Variants in TTK observed in about 807,000 individuals in gnomAD.
TTK encodes dual specificity protein kinase TTK.
In TTK, 59 loss-of-function variants were observed where a neutral mutation model predicts 117.3. The ratio of observed to expected loss-of-function variants is 0.50; its 90% CI spans 0.41 to 0.62. The LOEUF is 0.62. Ranked by LOEUF, TTK falls within the 20% of genes least tolerant of loss-of-function variation. The pLI is 0.00. For synonymous variants in TTK, 302 were observed against 325.0 expected, an observed-to-expected ratio of 0.93 and a Z score of 0.76; for missense variants, 921 against 989.4, an observed-to-expected ratio of 0.93 and a Z score of 0.93.
At chr6:80,034,210 A>G (rs1020707853) in intron 14 of TTK, among the ~76,000 whole-genome samples, 1 of 152,286 alleles carries the variant, frequency 6.6e-6, no homozygotes, top group East Asian at 1.9e-4. Context: ...GCAGTGACCA[A>G]CTTTTAAGGA....
intron 18 of TTK, 72 bp from the exon 19 acceptor site, chr6:80,039,624 T>G: frequency 1.7e-6 from 2 of 1,152,326 alleles, no homozygotes; most frequent in Non-Finnish European, 1.2e-6. Context: ...ATATGTATAT[T>G]TAATATATAT....
intron 12 of TTK, 121 bp downstream of exon 12, chr6:80,026,635 A>G (rs1297750427): frequency 5.0e-6 from 7 of 1,392,496 alleles, no homozygotes; most frequent in Non-Finnish European, 6.8e-6. Context: ...TTCCATCTTC[A>G]TATTATTTTT....
rs1768077757 is a variant in TTK at position 80,042,517 on chromosome 6, CACTA to C, written c.*318_*321del. 5.8e-6 allele frequency: 1 copy of C among 171,970 alleles called. No homozygotes were observed. Among genetic ancestry groups the C allele is most frequent in the African/African-American group, 2.4e-5 (1 of 42,418 alleles). 10.7% of individuals were successfully genotyped at this position (171,970 alleles called of 1,614,324 possible). A position where few individuals can be genotyped will look rare whatever the true frequency, so the allele number is the denominator to read the frequency against. Reference sequence around the variant, plus strand: ...AAATAAAGTTTTGTGGCTAAAATGACACTAACATTTCAAAGTTGTAAGGTTGTTT... The same window carrying C: ...AAATAAAGTTTTGTGGCTAAAATGACACATTTCAAAGTTGTAAGGTTGTTT... On this transcript the variant is annotated 3_prime_UTR_variant, in exon 22 of 22. Coordinates refer to ENST00000369798, the MANE Select transcript of TTK (RefSeq NM_003318.5).
rs2230512 is a variant in TTK, at chr6:80,039,837, G to A, written c.2272G>A (p.Asp758Asn). The change falls in exon 19 of 22, where the codon GAT (aspartate) becomes AAT (asparagine). Residue 758 changes from aspartate (D) to asparagine (N), a missense_variant. Coordinates refer to ENST00000369798, the MANE Select transcript of TTK (RefSeq NM_003318.5). ...TCCTAATCATGAAATTGAATTTCCC[G>A]ATATTCCAGAGAAAGATCTTCAAGA... ...IDPNHEIEFPDIPEKDLQDVL... is the reference protein window; with the variant it reads ...IDPNHEIEFPNIPEKDLQDVL... 4.6e-4 allele frequency: 731 copies of A among 1,581,006 alleles called. 2 individuals carry two copies. The African/African-American group carries it at 9.0e-3, about 20-fold the overall frequency.
At position 80,042,158 on chromosome 6, in the gene TTK, T is replaced by A. The variant is rs751457789; in HGVS notation, c.2530T>A (p.Ser844Thr). The A allele has an allele frequency of 3.1e-6, 5 of 1,604,070 alleles. No homozygotes were observed. In the Admixed American group the frequency reaches 8.4e-5, roughly 27 times the overall value. The change falls in exon 22 of 22, where the codon TCT becomes ACT. Residue 844 changes from serine to threonine, a missense_variant. By Grantham distance (58) the Ser-to-Thr change is moderately conservative. Transcript: ENST00000369798. ...EHYSGGESHN[S>T]SSSKTFEKKR... is the part of the protein sequence containing the mutation. ...CTATAGTGGTGGTGAAAGTCATAAT[T>A]CTTCATCCTCCAAGACTTTTGAAAA...
chr6:80,036,379 G>A, intron 16 of TTK, 96 bp from the exon 17 acceptor site: 3 of 1,397,962 alleles, frequency 2.1e-6, no homozygotes, highest in Non-Finnish European at 2.9e-6. Flanking sequence ...TTCACTAATT[G>A]AAGGAATAAA....
intron 4 of TTK, among the ~76,000 whole-genome samples, chr6:80,008,891 T>G (rs1381153262): frequency 6.6e-6 from 1 of 151,578 alleles, no homozygotes; most frequent in African/African-American, 2.4e-5. Context: ...TACATTAAAG[T>G]GTAGCTATGT....
At chr6:80,038,186 C>T (rs551495958) in intron 18 of TTK, 139 bp downstream of exon 18, 34 of 468,966 alleles carry the variant, frequency 7.2e-5, no homozygotes, top group East Asian at 5.3e-4. Flanking sequence ...TGGTTTTTTT[C>T]GTTTCCAATT....
intron 10 of TTK, among the ~76,000 whole-genome samples, chr6:80,017,589 T>C (rs1767343291): frequency 6.6e-6 from 1 of 152,220 alleles, no homozygotes; most frequent in African/African-American, 2.4e-5. Context: ...TAATGCTCTC[T>C]TAGTAGCTGC....
intron 10 of TTK, among the ~76,000 whole-genome samples, chr6:80,016,580 C>T (rs1157616895): frequency 6.6e-6 from 1 of 151,886 alleles, no homozygotes; most frequent in Non-Finnish European, 1.5e-5. Context: ...CTTTCTTTTT[C>T]TCATTGATTT....
intron 17 of TTK, among the ~76,000 whole-genome samples, chr6:80,037,097 A>G (rs1044474293): frequency 2.6e-5 from 4 of 152,312 alleles, no homozygotes; most frequent in Admixed American, 6.5e-5. Context: ...ATATTGCAAC[A>G]GCAAACTAAA....
chr6:80,015,860 A>G (rs1767293015), intron 10 of TTK, among the ~76,000 whole-genome samples: 1 of 152,222 alleles, frequency 6.6e-6, no homozygotes, highest in Admixed American at 6.5e-5. Flanking sequence ...AAGTGACTGC[A>G]TACTTGTAAC....
At chr6:80,021,840 G>A (rs755218045) in intron 10 of TTK, among the ~76,000 whole-genome samples, 7 of 152,038 alleles carry the variant, frequency 4.6e-5, no homozygotes, top group East Asian at 1.9e-4. Context: ...AAGCAAGTAC[G>A]TAATTAGATA....
chr6:80,027,990 C>A lies in TTK; in HGVS notation c.1500C>A (p.Ala500=). Reference sequence around the variant, plus strand: ...AGCAGCAACAGCATCAAATACTTGCCACTCCACTTCAAAATTTACAGGTTC... The same window carrying A: ...AGCAGCAACAGCATCAAATACTTGCAACTCCACTTCAAAATTTACAGGTTC... ...CFQQQQHQIL[A]TPLQNLQVLA... is the part of the protein sequence containing the mutation. Residue 500 remains alanine, a synonymous_variant, in exon 13 of 22, where the codon GCC becomes GCA. Coordinates refer to ENST00000369798, the MANE Select transcript of TTK (RefSeq NM_003318.5). 1.9e-6 allele frequency: 3 copies of A among 1,603,020 alleles called. No homozygotes were observed. The highest frequency in any genetic ancestry group is 2.6e-6 in the Non-Finnish European group (3 of 1,174,190).
intron 9 of TTK, 84 bp from the exon 10 acceptor site, chr6:80,014,379 A>G (rs1327388910): frequency 7.8e-7 from 1 of 1,276,200 alleles, no homozygotes; most frequent in East Asian, 2.6e-5. Flanking sequence ...CCATGTATAG[A>G]TAAGACTTTA....
chr6:80,034,774 C>T (rs1030605398), intron 14 of TTK, among the ~76,000 whole-genome samples: 7 of 152,128 alleles, frequency 4.6e-5, no homozygotes, highest in African/African-American at 1.7e-4. Context: ...TATTGAATGC[C>T]CATCATCATA....
intron 17 of TTK, 69 bp downstream of exon 17, chr6:80,036,668 C>A (rs1052210380): frequency 6.9e-7 from 1 of 1,452,168 alleles, no homozygotes; most frequent in Non-Finnish European, 9.2e-7. Flanking sequence ...TATTATATTG[C>A]AAATGAGTGT....
intron 8 of TTK, 49 bp from the exon 9 acceptor site, chr6:80,013,230 T>C: frequency 6.8e-7 from 1 of 1,470,174 alleles, no homozygotes; most frequent in Non-Finnish European, 9.2e-7. Flanking sequence ...CATTGAAAAT[T>C]TTTTTTTTCA....
Position 80,040,749 on chromosome 6 carries a change from T to A in TTK, c.2490+46T>A, listed in dbSNP as rs756505640. On this transcript the variant is annotated intron_variant, in intron 21 of 21. Coordinates refer to ENST00000369798, the MANE Select transcript of TTK (RefSeq NM_003318.5). ...CATTAATTTTTACTGTTTTATATAG[T>A]GAATTCGACACTTAAGGAAACAGGT... 2.6e-6 allele frequency: 4 copies of A among 1,551,532 alleles called. No homozygotes were observed. The South Asian group carries it at 4.8e-5, about 19-fold the overall frequency.
Sources: allele counts gnomAD v4.1 joint callset (sites outside exome capture counted in the v4.1 genomes callset), GRCh38; gene constraint gnomAD v4.1.1; transcripts MANE v1.5; gene names NCBI Gene and HGNC (gene_info 2026-07-23, HGNC 2026-07-21).